Variants in FILIP1L observed in about 807,000 individuals in gnomAD.
FILIP1L encodes the protein filamin A-interacting protein 1-like.
FILIP1L carries 55 observed loss-of-function variants against 96.6 expected under a neutral mutation model. The observed-to-expected ratio is 0.57, with a 90% CI of 0.46 to 0.71. The LOEUF is 0.71. Ranked by LOEUF, FILIP1L falls within the 30% of genes least tolerant of loss-of-function variation. The probability of loss-of-function intolerance (pLI) is 0.00; values close to 1 mark genes in which losing one functional copy is unlikely to be tolerated. For synonymous variants in FILIP1L, 467 were observed against 473.9 expected, an observed-to-expected ratio of 0.99 and a Z score of 0.19; for missense variants, 1,304 against 1,321.2, an observed-to-expected ratio of 0.99 and a Z score of 0.20.
intron 1 of FILIP1L, among the ~76,000 whole-genome samples, chr3:100,004,925 A>G (rs1046904058): frequency 6.6e-6 from 1 of 152,150 alleles, no homozygotes. Flanking sequence ...CCTCATACCC[A>G]TTAGATATTG....
At chr3:99,861,066 T>C (rs1440539155) in intron 4 of FILIP1L, among the ~76,000 whole-genome samples, 1 of 152,154 alleles carries the variant, frequency 6.6e-6, no homozygotes. Context: ...TCTTTTTGTT[T>C]TCCTCCCCCA....
At chr3:99,970,946 A>C (rs757337597) in intron 1 of FILIP1L, among the ~76,000 whole-genome samples, 1 of 152,212 alleles carries the variant, frequency 6.6e-6, no homozygotes, top group Non-Finnish European at 1.5e-5. Context: ...ATGTGAAGGA[A>C]TAGGGCTTGG....
chr3:99,910,785 A>G lies in FILIP1L; in HGVS notation c.605+13445T>C, dbSNP rs889480266. 1.0e-3 allele frequency among the ~76,000 whole-genome samples: 86 copies of G among 83,598 alleles called. 5 individuals carry two copies. The highest frequency in any genetic ancestry group is 2.6e-3 in the African/African-American group (84 of 32,070). 54.8% of individuals were successfully genotyped at this position (83,598 alleles called of 152,430 possible). A position where few individuals can be genotyped will look rare whatever the true frequency, so the allele number is the denominator to read the frequency against. ...AAGAAAGTAGATAACTAGAATATTT[A>G]TGCCCATTTTATAGATGGAAGCATC... is the stretch of plus-strand genomic sequence containing the variant. On this transcript the variant is annotated intron_variant, in intron 4 of 5. Transcript: ENST00000477258.
At chr3:100,104,632 A>G (rs758785186) in intron 1 of FILIP1L, among the ~76,000 whole-genome samples, 3 of 152,180 alleles carry the variant, frequency 2.0e-5, no homozygotes, top group African/African-American at 7.2e-5. Flanking sequence ...CCAGGAATCT[A>G]AAAGTTAAGC....
intron 1 of FILIP1L, among the ~76,000 whole-genome samples, chr3:100,004,873 C>T (rs1295634889): frequency 6.6e-6 from 1 of 152,150 alleles, no homozygotes; most frequent in African/African-American, 2.4e-5. Context: ...AGATTAGAGG[C>T]AGGAGAATTA....
At chr3:100,072,762 T>A (rs575699773) in intron 1 of FILIP1L, among the ~76,000 whole-genome samples, 148 of 152,328 alleles carry the variant, frequency 9.7e-4, no homozygotes, top group Non-Finnish European at 1.7e-3. Context: ...AATGTATAGT[T>A]ATTTAATTGG....
chr3:100,013,214 GTGTTGTTGT>G lies in FILIP1L; in HGVS notation c.-10-82193_-10-82185del, dbSNP rs35047568. Among the ~76,000 whole-genome samples, 514 of 145,512 alleles carry G rather than the reference GTGTTGTTGT, an allele frequency of 3.5e-3. 5 individuals are homozygous for G. The highest frequency in any genetic ancestry group is 0.011 in the African/African-American group (435 of 39,204). On this transcript the variant is annotated intron_variant, in intron 1 of 5. Coordinates refer to ENST00000477258, the MANE Select transcript of FILIP1L (RefSeq NM_001387850.1). ...AGCAGCCCATTTCAAGGCCAGTGAG[GTGTTGTTGT>G]TGTTGTTGTTGTTGTTGTTGTTGTT...
chr3:99,843,922 G>A (rs1394967637), intron 5 of FILIP1L, among the ~76,000 whole-genome samples: 1 of 152,194 alleles, frequency 6.6e-6, no homozygotes, highest in East Asian at 1.9e-4. Context: ...TCTAGGCTGA[G>A]CACTCTTTAT....
At chr3:99,876,320 T>A in intron 4 of FILIP1L, 2 of 521,876 alleles carry the variant, frequency 3.8e-6, no homozygotes, top group Non-Finnish European at 4.9e-6. Flanking sequence ...ACACCCCAGC[T>A]CCCGCGGATG....
chr3:99,908,822 T>C (rs1706702463), intron 4 of FILIP1L, among the ~76,000 whole-genome samples: 1 of 152,212 alleles, frequency 6.6e-6, no homozygotes, highest in Non-Finnish European at 1.5e-5. Context: ...TTGTATTTTT[T>C]GTATAGAATA....
At chr3:99,979,742 G>A (rs943012497) in intron 1 of FILIP1L, among the ~76,000 whole-genome samples, 15 of 152,044 alleles carry the variant, frequency 9.9e-5, no homozygotes, top group African/African-American at 3.6e-4. Context: ...AATATTCATG[G>A]CATTGCTCTA....
At chr3:99,947,156 A>AAT (rs5851191) in intron 1 of FILIP1L, among the ~76,000 whole-genome samples, 7 of 151,412 alleles carry the variant, frequency 4.6e-5, no homozygotes, top group Non-Finnish European at 1.0e-4. Flanking sequence ...AAAAAAAAAA[A>AAT]AGTAATAATA....
In FILIP1L at chr3:100,044,480, G is replaced by A. The variant is rs182825081; in HGVS notation, c.-11+69573C>T. Among the ~76,000 whole-genome samples the A allele has an allele frequency of 1.6e-4, 24 of 152,262 alleles. No homozygotes were observed. The East Asian group carries it at 3.7e-3, about 23-fold the overall frequency. ...AAACAGAGTATACAAGAGCATCACA[G>A]GCTAAAGGACAGCTTGCTCCAAGAA... On this transcript the variant is annotated intron_variant, in intron 1 of 5. Transcript: ENST00000477258.
chr3:99,833,495 CTT>C (rs369693801), intron 5 of FILIP1L, among the ~76,000 whole-genome samples: 50 of 152,338 alleles, frequency 3.3e-4, no homozygotes, highest in African/African-American at 1.2e-3. Context: ...CTACATGACT[CTT>C]TTGTTCTTCC....
intron 4 of FILIP1L, among the ~76,000 whole-genome samples, chr3:99,860,312 C>A (rs890552506): frequency 6.6e-6 from 1 of 152,074 alleles, no homozygotes; most frequent in Admixed American, 6.6e-5. Flanking sequence ...ACTAGGCCCC[C>A]CAGAGGTCAG....
chr3:99,918,649 G>A (rs1227969929), intron 4 of FILIP1L, among the ~76,000 whole-genome samples: 1 of 152,028 alleles, frequency 6.6e-6, no homozygotes, highest in Non-Finnish European at 1.5e-5. Context: ...TATGACATCT[G>A]TTGAAAGTTA....
intron 4 of FILIP1L, among the ~76,000 whole-genome samples, chr3:99,918,824 G>A (rs781289128): frequency 7.9e-5 from 12 of 152,088 alleles, no homozygotes; most frequent in Non-Finnish European, 1.8e-4. Context: ...TGTTTGCAGT[G>A]GATCTCCATT....
intron 1 of FILIP1L, among the ~76,000 whole-genome samples, chr3:100,089,996 C>T (rs929395151): frequency 6.6e-6 from 1 of 152,290 alleles, no homozygotes; most frequent in South Asian, 2.1e-4. Flanking sequence ...CCTACTCCCC[C>T]GCAACTGCAA....
At chr3:99,973,957 C>A (rs1461712447) in intron 1 of FILIP1L, among the ~76,000 whole-genome samples, 1 of 152,182 alleles carries the variant, frequency 6.6e-6, no homozygotes, top group Non-Finnish European at 1.5e-5. Context: ...CCACTGTTTC[C>A]TGTAACCCAC....
Sources: allele counts gnomAD v4.1 joint callset (sites outside exome capture counted in the v4.1 genomes callset), GRCh38; gene constraint gnomAD v4.1.1; transcripts MANE v1.5; gene names NCBI Gene and HGNC (gene_info 2026-07-23, HGNC 2026-07-21).